Variants in GSAP observed in about 807,000 individuals in gnomAD.
GSAP encodes gamma-secretase activating protein, also known as gamma-secretase-activating protein.
In GSAP, 118 loss-of-function variants were observed where a neutral mutation model predicts 131.7. The observed-to-expected ratio is 0.90, with a 90% CI of 0.77 to 1.04. The LOEUF is 1.04. Among genes scored for constraint, GSAP ranks in the 50% least tolerant of loss-of-function variants. GSAP has a pLI of 0.00. For missense variants in GSAP, 1,019 were observed against 1,013.2 expected, an observed-to-expected ratio of 1.01 and a Z score of -0.08; for synonymous variants, 381 against 363.4, an observed-to-expected ratio of 1.05 and a Z score of -0.55.
chr7:77,353,440 T>G, intron 17 of GSAP, 132 bp downstream of exon 17: 2 of 590,294 alleles, frequency 3.4e-6, no homozygotes, highest in South Asian at 2.2e-5. Context: ...TCCGATAGAG[T>G]TTTGTTTTTT....
At chr7:77,407,568 T>A (rs1802505573) in intron 1 of GSAP, among the ~76,000 whole-genome samples, 1 of 152,232 alleles carries the variant, frequency 6.6e-6, no homozygotes, top group Non-Finnish European at 1.5e-5. Flanking sequence ...GTCAGTTATA[T>A]GTTTTTGCTA....
chr7:77,370,200 G>A (rs1281338079), intron 12 of GSAP, among the ~76,000 whole-genome samples: 1 of 152,180 alleles, frequency 6.6e-6, no homozygotes, highest in Non-Finnish European at 1.5e-5. Context: ...GCTCATGCCT[G>A]TAATCCCAGC....
At chr7:77,354,052 C>T (rs563204426) in intron 16 of GSAP, among the ~76,000 whole-genome samples, 45 of 152,276 alleles carry the variant, frequency 3.0e-4, no homozygotes, top group African/African-American at 1.1e-3. Context: ...AATACGGACA[C>T]ACCAGTTAAC....
intron 1 of GSAP, among the ~76,000 whole-genome samples, chr7:77,408,043 T>C (rs1228239922): frequency 6.6e-6 from 1 of 152,236 alleles, no homozygotes; most frequent in Non-Finnish European, 1.5e-5. Flanking sequence ...TGGGCACAAC[T>C]AATGTACAGT....
chr7:77,344,261 G>T (rs944627582), intron 19 of GSAP, among the ~76,000 whole-genome samples: 1 of 152,002 alleles, frequency 6.6e-6, no homozygotes, highest in Non-Finnish European at 1.5e-5. Flanking sequence ...GAACCTTCAG[G>T]CCCCTTACCA....
intron 5 of GSAP, among the ~76,000 whole-genome samples, chr7:77,396,482 T>C (rs190399284): frequency 1.3e-5 from 2 of 152,272 alleles, no homozygotes; most frequent in Admixed American, 6.5e-5. Flanking sequence ...TGTTGAGTTA[T>C]AGACAGAGGG....
At chr7:77,398,154 G>A (rs574459645) in intron 3 of GSAP, among the ~76,000 whole-genome samples, 2 of 152,244 alleles carry the variant, frequency 1.3e-5, no homozygotes, top group South Asian at 4.1e-4. Flanking sequence ...AGAGGATAAG[G>A]GAAAGAGACA....
intron 6 of GSAP, among the ~76,000 whole-genome samples, chr7:77,385,327 C>A (rs942547295): frequency 1.3e-5 from 2 of 152,188 alleles, no homozygotes; most frequent in Non-Finnish European, 2.9e-5. Flanking sequence ...AGCCACTGCG[C>A]CCAGCCACTT....
chr7:77,347,872 T>C (rs1428553066), intron 19 of GSAP, among the ~76,000 whole-genome samples: 2 of 151,530 alleles, frequency 1.3e-5, no homozygotes, highest in Non-Finnish European at 2.9e-5. Flanking sequence ...AAAATTATGG[T>C]CCATCATGGT....
At chr7:77,383,893 T>C (rs1322483750) in intron 6 of GSAP, among the ~76,000 whole-genome samples, 1 of 152,242 alleles carries the variant, frequency 6.6e-6, no homozygotes, top group Non-Finnish European at 1.5e-5. Flanking sequence ...TACCTTTGCA[T>C]AATATCAGAT....
chr7:77,334,881 G>A (rs911588631), intron 19 of GSAP, among the ~76,000 whole-genome samples: 2 of 150,706 alleles, frequency 1.3e-5, no homozygotes, highest in African/African-American at 4.9e-5. Flanking sequence ...TCAGGAGATC[G>A]AGACCTTCCT....
At chr7:77,357,175 GAGATTCCT>G (rs1437233439) in intron 14 of GSAP, among the ~76,000 whole-genome samples, 3 of 152,192 alleles carry the variant, frequency 2.0e-5, no homozygotes, top group African/African-American at 7.2e-5. Context: ...TAGTGAGAGG[GAGATTCCT>G]ATTTGGCATT....
At chr7:77,336,789 G>A (rs1343800933) in intron 19 of GSAP, among the ~76,000 whole-genome samples, 2 of 152,132 alleles carry the variant, frequency 1.3e-5, no homozygotes, top group African/African-American at 4.8e-5. Context: ...TGCCCAGCCA[G>A]TATCATCTTA....
chr7:77,312,408 G>A (rs1017434222), intron 28 of GSAP, among the ~76,000 whole-genome samples: 1 of 152,138 alleles, frequency 6.6e-6, no homozygotes, highest in African/African-American at 2.4e-5. Context: ...GCTACATTGA[G>A]GAAAGTGGTT....
rs559440654 is a variant in GSAP, at chr7:77,332,145, G to A, written c.1546-1778C>T. On this transcript the variant is annotated intron_variant, in intron 19 of 30. Coordinates refer to ENST00000257626, the MANE Select transcript of GSAP (RefSeq NM_017439.4). ...TTGCCCAGGACAGGATATGGGAGGG[G>A]AGAAACTCAGATGCCCTCTAACTGT... Among the ~76,000 whole-genome samples, 18 of 152,226 alleles carry A rather than the reference G, an allele frequency of 1.2e-4. 1 individual carries two copies. In the South Asian group the frequency reaches 1.5e-3, roughly 12 times the overall value.
chr7:77,311,203 T>C lies in GSAP; in HGVS notation c.*155A>G. 1.7e-6 allele frequency: 1 copy of C among 602,366 alleles called. No individual in the cohort carries two copies. Among genetic ancestry groups the C allele is most frequent in the Non-Finnish European group, 3.0e-6 (1 of 335,660 alleles). 37.3% of individuals were successfully genotyped at this position (602,366 alleles called of 1,614,324 possible). On this transcript the variant is annotated 3_prime_UTR_variant, in exon 31 of 31. Transcript: ENST00000257626. ...ATTGGAATGTGATACAGCAGTTCTGTCTGAACGTGTACCAACCTGAAACTC... is the reference window on the plus strand; with the variant it reads ...ATTGGAATGTGATACAGCAGTTCTGCCTGAACGTGTACCAACCTGAAACTC...
At chr7:77,343,801 A>G (rs4729335) in intron 19 of GSAP, among the ~76,000 whole-genome samples, 57,500 of 152,004 alleles carry the variant, frequency 0.38, 11,599 homozygotes, top group African/African-American at 0.52. Flanking sequence ...CTATTCTGTC[A>G]TCATTTCATA....
At chr7:77,353,721 G>T in intron 16 of GSAP, 80 bp from the exon 17 acceptor site, 1 of 818,486 alleles carries the variant, frequency 1.2e-6, no homozygotes, top group Non-Finnish European at 2.0e-6. Context: ...AAATATACAT[G>T]AATCTTTTGC....
At chr7:77,346,218 C>T (rs1479972274) in intron 19 of GSAP, among the ~76,000 whole-genome samples, 3 of 129,300 alleles carry the variant, frequency 2.3e-5, no homozygotes, top group Non-Finnish European at 4.6e-5. Context: ...TGCAGTGAGC[C>T]GAGATCACAC....
Sources: allele counts gnomAD v4.1 joint callset (sites outside exome capture counted in the v4.1 genomes callset), GRCh38; gene constraint gnomAD v4.1.1; transcripts MANE v1.5; gene names NCBI Gene and HGNC (gene_info 2026-07-23, HGNC 2026-07-21).